The following SAE1 variants were observed in gnomAD, a reference collection of about 807,000 sequenced individuals.
SAE1 encodes the protein SUMO1 activating enzyme subunit 1.
In SAE1, 11 loss-of-function variants were observed where a neutral mutation model predicts 40.6. The ratio of observed to expected loss-of-function variants is 0.27; its 90% CI spans 0.17 to 0.45. SAE1 has a LOEUF of 0.45. Ranked by LOEUF, SAE1 falls within the 20% of genes least tolerant of loss-of-function variation. SAE1 has a pLI of 1.00. For synonymous variants in SAE1, 155 were observed against 154.3 expected, an observed-to-expected ratio of 1.00 and a Z score of -0.03; for missense variants, 373 against 427.3, an observed-to-expected ratio of 0.87 and a Z score of 1.12.
At chr19:47,164,238 G>A (rs887163567) in intron 5 of SAE1, among the ~76,000 whole-genome samples, 2 of 151,188 alleles carry the variant, frequency 1.3e-5, no homozygotes, top group Admixed American at 6.6e-5. Context: ...GCGCAATCTC[G>A]GCTCACTGCA....
Position 47,130,850 on chromosome 19 carries a change from C to G in SAE1, c.-81C>G. On this transcript the variant is annotated 5_prime_UTR_variant, in exon 1 of 9. Transcript: ENST00000270225. ...GCGCAGAAGCACTCCGGGCGTGCTG[C>G]CGGCGGCGGTAGGTGGCGCGCGGGT... The G allele has an allele frequency of 6.5e-7, 1 of 1,541,208 alleles. No homozygotes were observed. The highest frequency in any genetic ancestry group is 8.7e-7 in the Non-Finnish European group (1 of 1,143,354).
At chr19:47,163,075 A>G (rs558981014) in intron 5 of SAE1, among the ~76,000 whole-genome samples, 44 of 152,270 alleles carry the variant, frequency 2.9e-4, no homozygotes, top group African/African-American at 9.9e-4. Context: ...TGTTAATCCT[A>G]CTACCAAATG....
intron 5 of SAE1, among the ~76,000 whole-genome samples, chr19:47,162,501 T>C (rs901009048): frequency 8.5e-5 from 13 of 152,208 alleles, no homozygotes; most frequent in African/African-American, 3.1e-4. Context: ...TTTTTTTCCA[T>C]TCTGCTGAGT....
chr19:47,166,229 C>G (rs1303969876), intron 5 of SAE1, among the ~76,000 whole-genome samples: 1 of 152,098 alleles, frequency 6.6e-6, no homozygotes, highest in Admixed American at 6.6e-5. Flanking sequence ...AAGTGCAGAG[C>G]CACCAGTATT....
Position 47,210,401 on chromosome 19 carries a change from A to G in SAE1, c.*1150A>G, listed in dbSNP as rs1378618292. 6.6e-6 allele frequency: 1 copy of G among 152,286 alleles called. No homozygotes were observed. Among genetic ancestry groups the G allele is most frequent in the East Asian group, 1.9e-4 (1 of 5,184 alleles). The allele number at this position is 152,286 out of a possible 1,614,324, so 9.4% of individuals were successfully genotyped here. ...TCTGGCTCCAGTTGTCTAATGGATA[A>G]TTCAGCTAAATAGTGGCTATTTTCA... On this transcript the variant is annotated 3_prime_UTR_variant, in exon 9 of 9. Coordinates refer to ENST00000270225, the MANE Select transcript of SAE1 (RefSeq NM_005500.3).
chr19:47,208,029 C>T (rs1159066310), intron 8 of SAE1, among the ~76,000 whole-genome samples: 1 of 152,158 alleles, frequency 6.6e-6, no homozygotes, highest in Non-Finnish European at 1.5e-5. Flanking sequence ...CTCTGGATCC[C>T]AGCCCTGACC....
At chr19:47,144,710 C>CAACAAAAACA (rs760740884) in intron 2 of SAE1, among the ~76,000 whole-genome samples, 6 of 152,058 alleles carry the variant, frequency 3.9e-5, no homozygotes, top group Non-Finnish European at 8.8e-5. Flanking sequence ...ACAACAACAA[C>CAACAAAAACA]AACAAAAACA....
chr19:47,189,280 G>A (rs1022047519), intron 6 of SAE1, among the ~76,000 whole-genome samples: 9 of 152,180 alleles, frequency 5.9e-5, no homozygotes, highest in African/African-American at 1.4e-4. Context: ...CCTGGGGGCT[G>A]GGCGCAGTGG....
intron 1 of SAE1, among the ~76,000 whole-genome samples, chr19:47,141,421 C>T (rs141590831): frequency 4.9e-4 from 74 of 152,276 alleles, no homozygotes; most frequent in African/African-American, 1.8e-3. Flanking sequence ...GGATTACAGG[C>T]ATGAGTCACC....
intron 7 of SAE1, among the ~76,000 whole-genome samples, chr19:47,201,562 G>A (rs1416854686): frequency 1.3e-5 from 2 of 151,554 alleles, no homozygotes; most frequent in Non-Finnish European, 2.9e-5. Flanking sequence ...AGTAGAGACG[G>A]GGTTTCACCA....
At chr19:47,150,110 A>G in intron 2 of SAE1, 92 bp from the exon 3 acceptor site, 1 of 814,066 alleles carries the variant, frequency 1.2e-6, no homozygotes, top group Non-Finnish European at 1.8e-6. Context: ...GGTGGTAGGT[A>G]TTTTAGCTAT....
chr19:47,209,190 A>G lies in SAE1; in HGVS notation c.980A>G (p.Asn327Ser). 1 of 1,613,714 alleles carries G rather than the reference A, an allele frequency of 6.2e-7. No homozygotes were observed. The highest frequency in any genetic ancestry group is 8.5e-7 in the Non-Finnish European group (1 of 1,179,924). ...TCTCAGCGGGACCCTCCTCACAACA[A>G]CTTCTTCTTCTTCGATGGCATGAAG... ...ALSQRDPPHN[N>S]FFFFDGMKGN... The change falls in exon 9 of 9, where the codon AAC (asparagine) becomes AGC (serine). Residue 327 changes from asparagine (N) to serine (S), a missense_variant. By Grantham distance (46) the Asn-to-Ser change is conservative. This residue lies in a region of SAE1 where 351 missense variants were observed against 390.6 expected (regional missense o/e 0.90). Transcript: ENST00000270225.
At chr19:47,145,615 C>T (rs988844156) in intron 2 of SAE1, among the ~76,000 whole-genome samples, 4 of 151,940 alleles carry the variant, frequency 2.6e-5, no homozygotes, top group African/African-American at 9.7e-5. Context: ...AAGACTTACT[C>T]TGTCGCCCAG....
intron 1 of SAE1, 91 bp from the exon 2 acceptor site, chr19:47,143,403 C>T: frequency 1.8e-6 from 2 of 1,102,740 alleles, no homozygotes; most frequent in Admixed American, 3.6e-5. Context: ...CCGTGCCTGG[C>T]AAACCAAAAT....
chr19:47,134,455 G>A (rs1209422730), intron 1 of SAE1, among the ~76,000 whole-genome samples: 1 of 152,056 alleles, frequency 6.6e-6, no homozygotes, highest in Non-Finnish European at 1.5e-5. Flanking sequence ...AGGGTTGAAG[G>A]CACCTGGAAT....
intron 5 of SAE1, among the ~76,000 whole-genome samples, chr19:47,167,933 C>T (rs1453516837): frequency 6.6e-6 from 1 of 152,166 alleles, no homozygotes; most frequent in Non-Finnish European, 1.5e-5. Flanking sequence ...TGGCTCACGC[C>T]TATAATCCCA....
chr19:47,180,511 G>A (rs2058499235), intron 6 of SAE1, among the ~76,000 whole-genome samples: 1 of 152,188 alleles, frequency 6.6e-6, no homozygotes, highest in Non-Finnish European at 1.5e-5. Flanking sequence ...AGTTTGCGGT[G>A]AAACAGTGTA....
intron 1 of SAE1, 196 bp downstream of exon 1, chr19:47,131,224 G>C: frequency 7.5e-7 from 1 of 1,341,404 alleles, no homozygotes; most frequent in South Asian, 1.8e-5. Flanking sequence ...AAGTGGTTGG[G>C]AGGGCCGTTC....
At chr19:47,146,874 CAT>C (rs1255568750) in intron 2 of SAE1, among the ~76,000 whole-genome samples, 2 of 152,050 alleles carry the variant, frequency 1.3e-5, no homozygotes, top group Non-Finnish European at 2.9e-5. Flanking sequence ...AGCAGGCAGA[CAT>C]GTAGGGTTTA....
Sources: gnomAD v4.1 joint callset for allele counts (sites outside exome capture counted in the v4.1 genomes callset) on GRCh38, gnomAD v4.1.1 for gene constraint, gnomAD v4.1.1 regional missense constraint, MANE v1.5 for transcripts, NCBI Gene and HGNC (gene_info 2026-07-23, HGNC 2026-07-21) for gene names.